Variants in PCK1 observed in about 807,000 individuals in gnomAD.
The protein encoded by PCK1 is phosphoenolpyruvate carboxykinase 1.
Under a neutral mutation model 50.3 loss-of-function variants are expected in PCK1, and 44 were observed. The observed-to-expected ratio is 0.87, with a 90% CI of 0.69 to 1.12. PCK1 has a LOEUF of 1.12. Ranked by LOEUF, PCK1 falls within the 50% of genes most tolerant of loss-of-function variation. The pLI is 0.00. For missense variants in PCK1, 790 were observed against 815.0 expected (o/e 0.97, Z 0.37); for synonymous variants, 332 against 314.3 (o/e 1.06, Z -0.59).
At chr20:57,564,643 C>A in intron 8 of PCK1, 30 bp downstream of exon 8, 1 of 1,552,744 alleles carries the variant, frequency 6.4e-7, no homozygotes, top group African/African-American at 1.4e-5. Context: ...AGGCTGGGAA[C>A]ATGGGTGTGC....
At chr20:57,562,989 G>A (rs752191557) in intron 4 of PCK1, 39 bp from the exon 5 acceptor site, 1 of 1,592,788 alleles carries the variant, frequency 6.3e-7, no homozygotes, top group Non-Finnish European at 8.6e-7. Flanking sequence ...CCCAAGCAGG[G>A]CCCTGGCGCA....
In PCK1 at chr20:57,563,150, T is replaced by C. The variant is rs763473369; in HGVS notation, c.733T>C (p.Cys245Arg). 4 of 1,613,620 alleles carry C rather than the reference T, an allele frequency of 2.5e-6. No homozygotes were observed. Among genetic ancestry groups the C allele is most frequent in the Non-Finnish European group, 3.4e-6 (4 of 1,180,010 alleles). ...YGGNSLLGKKCFALRMASRLA... is the reference protein window; with the variant it reads ...YGGNSLLGKKRFALRMASRLA... ...CGGGAACTCGCTGCTCGGGAAGAAG[T>C]GCTTTGCTCTCAGGATGGCCAGCCG... The change falls in exon 5 of 10, where the codon TGC (cysteine) becomes CGC (arginine). Residue 245 changes from cysteine (C) to arginine (R), a missense_variant. Cys to Arg is a radical substitution (Grantham distance 180). Coordinates refer to ENST00000319441, the MANE Select transcript of PCK1 (RefSeq NM_002591.4).
Position 57,561,173 on chromosome 20 carries a change from CTCCCT to C in PCK1, c.-68_-64del, listed in dbSNP as rs1033396791. On this transcript the variant is annotated 5_prime_UTR_variant, in exon 1 of 10. Transcript: ENST00000319441. ...AGAGCCCGGAAAGAAACCTGTGGAT[CTCCCT>C]TCGAGATCATCCAAAGAGAAGAAAG... The C allele has an allele frequency of 5.4e-6, 2 of 372,478 alleles. No individual in the cohort carries two copies. Among genetic ancestry groups the C allele is most frequent in the African/African-American group, 4.1e-5 (2 of 48,398 alleles). 23.1% of individuals were successfully genotyped at this position (372,478 alleles called of 1,614,324 possible). A position where few individuals can be genotyped will look rare whatever the true frequency, so the allele number is the denominator to read the frequency against.
At chr20:57,561,969 T>G in intron 2 of PCK1, 102 bp from the exon 3 acceptor site, 1 of 877,404 alleles carries the variant, frequency 1.1e-6, no homozygotes, top group Admixed American at 2.2e-5. Flanking sequence ...GGACTGTTGT[T>G]AGCGTGCTCA....
chr20:57,566,378 C>G lies in PCK1; in HGVS notation c.*574C>G, dbSNP rs2070205921. On this transcript the variant is annotated 3_prime_UTR_variant, in exon 10 of 10. Transcript: ENST00000319441. ...TAAATTATTTTTATACACCATTGTT[C>G]CTTACCTTTACATAATTGCAATATT... 1 of 152,038 alleles carries G rather than the reference C, an allele frequency of 6.6e-6. No homozygotes were observed. The highest frequency in any genetic ancestry group is 2.4e-5 in the African/African-American group (1 of 41,368). The allele number at this position is 152,038 out of a possible 1,614,324, so 9.4% of individuals were successfully genotyped here.
rs1407064065 is a variant in PCK1, at chr20:57,562,953, A to T, written c.610+54A>T. 1.9e-6 allele frequency: 3 copies of T among 1,582,302 alleles called. No homozygotes were observed. In the African/African-American group the frequency reaches 4.0e-5, roughly 21 times the overall value. On this transcript the variant is annotated intron_variant, in intron 4 of 9. Coordinates refer to ENST00000319441, the MANE Select transcript of PCK1 (RefSeq NM_002591.4). ...CAAAATAAAAAAGAAAGCTGAACGC[A>T]AACCCCAGTGAGTGCCTCGGGGACC... is the stretch of plus-strand genomic sequence containing the variant.
Position 57,565,819 on chromosome 20 carries a change from C to G in PCK1, c.*15C>G, listed in dbSNP as rs2070199729. 4 of 1,561,332 alleles carry G rather than the reference C, an allele frequency of 2.6e-6. No individual in the cohort carries two copies. The East Asian group carries it at 9.0e-5, about 35-fold the overall frequency. Reference sequence around the variant, plus strand: ...GCCAGATGTAATCAGGGCCTGAGTGCTTTACCTTTAAAATCATTCCCTTTC... The same window carrying G: ...GCCAGATGTAATCAGGGCCTGAGTGGTTTACCTTTAAAATCATTCCCTTTC... On this transcript the variant is annotated 3_prime_UTR_variant, in exon 10 of 10. Coordinates refer to ENST00000319441, the MANE Select transcript of PCK1 (RefSeq NM_002591.4).
In PCK1 at chr20:57,565,817, T is replaced by C. The variant is rs1360428360; in HGVS notation, c.*13T>C. On this transcript the variant is annotated 3_prime_UTR_variant, in exon 10 of 10. Transcript: ENST00000319441. ...AAGCCAGATGTAATCAGGGCCTGAGTGCTTTACCTTTAAAATCATTCCCTT... is the reference window on the plus strand; with the variant it reads ...AAGCCAGATGTAATCAGGGCCTGAGCGCTTTACCTTTAAAATCATTCCCTT... The C allele has an allele frequency of 6.4e-7, 1 of 1,566,254 alleles. No individual in the cohort carries two copies. Among genetic ancestry groups the C allele is most frequent in the Non-Finnish European group, 8.7e-7 (1 of 1,152,722 alleles).
At chr20:57,563,306 T>C (rs2070170165) in intron 5 of PCK1, 91 bp downstream of exon 5, 2 of 1,187,684 alleles carry the variant, frequency 1.7e-6, no homozygotes, top group African/African-American at 1.5e-5. Flanking sequence ...TCAGCACACC[T>C]CTCTGAGCGT....
rs975787843 is a variant in PCK1 at position 57,565,147 on chromosome 20, T to C, written c.1414+12T>C. The stretch of plus-strand genomic sequence containing the variant: ...TGCAGAACATAAAGGTAAATCAAAG[T>C]CCTGATCTGAAACCACAGAGAAGTG... On this transcript the variant is annotated intron_variant, in intron 9 of 9. Transcript: ENST00000319441. The C allele has an allele frequency of 6.9e-6, 11 of 1,601,464 alleles. No individual in the cohort carries two copies. Among genetic ancestry groups the C allele is most frequent in the East Asian group, 2.2e-5 (1 of 44,848 alleles).
rs200264001 is a variant in PCK1, at chr20:57,564,335, G to A, written c.1128G>A (p.Pro376=). 6 of 1,614,134 alleles carry A rather than the reference G, an allele frequency of 3.7e-6. No individual in the cohort carries two copies. In the East Asian group the frequency reaches 6.7e-5, roughly 18 times the overall value. The part of the protein sequence containing the change: ...GGVYWEGIDE[P]LASGVTITSW... ...TTTACTGGGAAGGCATTGATGAGCC[G>A]CTAGCTTCAGGTGTCACCATCACGT... The change falls in exon 7 of 10, where the codon CCG becomes CCA. Residue 376 remains proline (P), a synonymous_variant. Transcript: ENST00000319441.
At chr20:57,562,529 G>A in intron 3 of PCK1, 167 bp from the exon 4 acceptor site, 2 of 646,074 alleles carry the variant, frequency 3.1e-6, no homozygotes, top group Non-Finnish European at 5.3e-6. Flanking sequence ...ATTTCAGCAG[G>A]CTGTTCACTT....
chr20:57,565,997 A>G lies in PCK1; in HGVS notation c.*193A>G. The G allele has an allele frequency of 2.1e-6, 1 of 487,640 alleles. No individual in the cohort carries two copies. The highest frequency in any genetic ancestry group is 3.6e-6 in the Non-Finnish European group (1 of 279,474). 30.2% of individuals were successfully genotyped at this position (487,640 alleles called of 1,614,324 possible). On this transcript the variant is annotated 3_prime_UTR_variant, in exon 10 of 10. Transcript: ENST00000319441. ...CAGAACACTGGGTAGTAGCTAATGA[A>G]ATTGAGAAGGGAAATCTTAGCATGC... is the stretch of plus-strand genomic sequence containing the variant.
rs2070207082 is a variant in PCK1, at chr20:57,566,555, G to C, written c.*751G>C. The C allele has an allele frequency of 6.6e-6, 1 of 152,172 alleles. No individual in the cohort carries two copies. The highest frequency in any genetic ancestry group is 1.5e-5 in the Non-Finnish European group (1 of 68,044). The allele number at this position is 152,172 out of a possible 1,614,324, so 9.4% of individuals were successfully genotyped here. ...TTAAATCCTGCCCCCTCCCCAAGAAGGTGGGGACGTTCAGAATCACACTTG... is the reference window on the plus strand; with the variant it reads ...TTAAATCCTGCCCCCTCCCCAAGAACGTGGGGACGTTCAGAATCACACTTG... On this transcript the variant is annotated 3_prime_UTR_variant, in exon 10 of 10. Transcript: ENST00000319441.
chr20:57,565,248 AAGAG>A, intron 9 of PCK1, 98 bp from the exon 10 acceptor site: 1 of 1,263,042 alleles, frequency 7.9e-7, no homozygotes, highest in East Asian at 2.3e-5. Flanking sequence ...GAGAGAGAGA[AAGAG>A]AGAGAGGAGA....
At chr20:57,563,318 C>A in intron 5 of PCK1, 103 bp downstream of exon 5, 3 of 1,127,824 alleles carry the variant, frequency 2.7e-6, no homozygotes, top group South Asian at 2.8e-5. Flanking sequence ...TCTGAGCGTG[C>A]AGGTTCCCGG....
intron 3 of PCK1, 42 bp downstream of exon 3, chr20:57,562,294 C>G (rs756792053): frequency 5.9e-6 from 9 of 1,532,022 alleles, no homozygotes; most frequent in African/African-American, 4.1e-5. Context: ...CAGCAGAGAG[C>G]CTTTTCTTAT....
chr20:57,563,866 A>G (rs1207986928), intron 6 of PCK1, 139 bp downstream of exon 6: 7 of 714,738 alleles, frequency 9.8e-6, no homozygotes, highest in Non-Finnish European at 1.7e-5. Flanking sequence ...CCTTAGAAAT[A>G]TGGATCCTGT....
At position 57,565,654 on chromosome 20, in the gene PCK1, C is replaced by T. The variant is rs2146531319; in HGVS notation, c.1719C>T (p.Asn573=). ...ACCTGAAAGGCCTGGGGCACATCAA[C>T]ATGATGGAGCTTTTCAGCATCTCCA... is the stretch of plus-strand genomic sequence containing the variant. ...ALNLKGLGHI[N]MMELFSISKE... is the part of the protein sequence containing the mutation. Residue 573 remains asparagine (N), a synonymous_variant, in exon 10 of 10, where the codon AAC becomes AAT. Coordinates refer to ENST00000319441, the MANE Select transcript of PCK1 (RefSeq NM_002591.4). 1 of 1,614,128 alleles carries T rather than the reference C, an allele frequency of 6.2e-7. No individual in the cohort carries two copies. Among genetic ancestry groups the T allele is most frequent in the Non-Finnish European group, 8.5e-7 (1 of 1,180,026 alleles).
Sources: gnomAD v4.1 joint callset for allele counts on GRCh38, gnomAD v4.1.1 for gene constraint, MANE v1.5 for transcripts, NCBI Gene and HGNC (gene_info 2026-07-23, HGNC 2026-07-21) for gene names.